Variants in B3GALNT2 observed in about 807,000 individuals in gnomAD.
B3GALNT2 encodes the protein beta-1,3-N-acetylgalactosaminyltransferase 2, also known as UDP-GalNAc:beta-1,3-N-acetylgalactosaminyltransferase 2.
B3GALNT2 carries 53 observed loss-of-function variants against 61.1 expected under a neutral mutation model. The ratio of observed to expected loss-of-function variants is 0.87; its 90% CI spans 0.70 to 1.09. The LOEUF (loss-of-function observed/expected upper bound fraction) is 1.09, where lower values mean the gene tolerates loss of function less well. Among genes scored for constraint, B3GALNT2 ranks in the 50% least tolerant of loss-of-function variants. B3GALNT2 has a pLI of 0.00. For missense variants in B3GALNT2, 544 were observed against 623.0 expected, an observed-to-expected ratio of 0.87 and a Z score of 1.35; for synonymous variants, 223 against 237.4, an observed-to-expected ratio of 0.94 and a Z score of 0.56.
chr1:235,444,121 A>T (rs914470471), downstream of B3GALNT2, among the ~76,000 whole-genome samples: 2 of 152,246 alleles, frequency 1.3e-5, no homozygotes, highest in Non-Finnish European at 2.9e-5. Flanking sequence ...AGTTTCTATC[A>T]GATAAAGCAA....
At chr1:235,489,972 T>A (rs1360977989) in intron 2 of B3GALNT2, among the ~76,000 whole-genome samples, 1 of 152,180 alleles carries the variant, frequency 6.6e-6, no homozygotes, top group Non-Finnish European at 1.5e-5. Context: ...ACTCTTGAAC[T>A]CTTACCTTCC....
At chr1:235,467,840 C>T (rs1347615477) in intron 6 of B3GALNT2, among the ~76,000 whole-genome samples, 2 of 151,394 alleles carry the variant, frequency 1.3e-5, no homozygotes, top group Admixed American at 1.3e-4. Context: ...AGTGCAATGG[C>T]GTGATCTTGG....
chr1:235,484,325 T>C lies in B3GALNT2; in HGVS notation c.552A>G (p.Gln184=), dbSNP rs188263426. The C allele has an allele frequency of 1.9e-6, 3 of 1,613,678 alleles. No individual in the cohort carries two copies. Among genetic ancestry groups the C allele is most frequent in the East Asian group, 2.2e-5 (1 of 44,882 alleles). Residue 184 remains glutamine (Q), a synonymous_variant, in exon 4 of 12, where the codon CAA becomes CAG. Transcript: ENST00000366600. ...NITVKLYQAE[Q]EEALFIARFS... is the part of the protein sequence containing the mutation. ...ACCTGTACAGAGCAGTGCATACCTCTTGTTCTGCCTGATAAAGTTTGACAG... is the reference window on the plus strand; with the variant it reads ...ACCTGTACAGAGCAGTGCATACCTCCTGTTCTGCCTGATAAAGTTTGACAG...
intron 5 of B3GALNT2, among the ~76,000 whole-genome samples, chr1:235,473,390 T>C (rs148207719): frequency 3.0e-4 from 46 of 152,366 alleles, no homozygotes; most frequent in African/African-American, 7.7e-4. Context: ...GCATATATAC[T>C]TAGGATAAGG....
At chr1:235,445,921 G>A (rs1049986064), downstream of B3GALNT2, among the ~76,000 whole-genome samples, 1 of 152,166 alleles carries the variant, frequency 6.6e-6, no homozygotes. Flanking sequence ...GTGTGTCACC[G>A]AGGAGAGTGA....
At chr1:235,489,910 T>G (rs191615691) in intron 2 of B3GALNT2, among the ~76,000 whole-genome samples, 33 of 152,290 alleles carry the variant, frequency 2.2e-4, no homozygotes, top group African/African-American at 7.5e-4. Flanking sequence ...TATCACCACC[T>G]CCACTGAGAT....
At position 235,454,284 on chromosome 1, in the gene B3GALNT2, C is replaced by T. The variant is rs929108412; in HGVS notation, c.1183G>A (p.Gly395Arg). 1.2e-6 allele frequency: 2 copies of T among 1,613,272 alleles called. No individual in the cohort carries two copies. The highest frequency in any genetic ancestry group is 1.1e-5 in the South Asian group (1 of 91,018). The change falls in exon 10 of 12, where the codon GGA (glycine) becomes AGA (arginine). Residue 395 changes from glycine (G) to arginine (R), a missense_variant. Gly to Arg is a moderately radical substitution (Grantham distance 125). Transcript: ENST00000366600. The part of the protein sequence containing the change: ...FRLNWAVDRT[G>R]KWQELEYPSP... ...GGGTACTCCAACTCCTGCCACTTTCCGGTTCGGTCAACTGCCCAATTCAGT... is the reference window on the plus strand; with the variant it reads ...GGGTACTCCAACTCCTGCCACTTTCTGGTTCGGTCAACTGCCCAATTCAGT...
the B3GALNT2 span, chr1:235,441,337 C>T: frequency 1.8e-5 from 4 of 216,318 alleles, no homozygotes; most frequent in Admixed American, 5.3e-5. Context: ...CCTGGCACTG[C>T]ACGGTCTGGT....
intron 1 of B3GALNT2, among the ~76,000 whole-genome samples, chr1:235,497,692 C>G (rs1006487574): frequency 8.5e-5 from 13 of 152,148 alleles, no homozygotes; most frequent in African/African-American, 2.9e-4. Context: ...ATGAAAATTT[C>G]TCAAATCTAT....
chr1:235,498,925 G>A (rs574710157), intron 1 of B3GALNT2, among the ~76,000 whole-genome samples: 4 of 146,754 alleles, frequency 2.7e-5, no homozygotes, highest in African/African-American at 5.0e-5. Context: ...ACAGTCTTCT[G>A]CAGGGCAATT....
Position 235,489,176 on chromosome 1 carries a change from G to C in B3GALNT2, c.353C>G (p.Thr118Arg). ...GGGAAAAGATGACTTACCTGGATTT[G>C]TGATGTTGAGTAGTTTACAGGAATA... ...DPYSCKLLNITNPVLNQEIEA... is the reference protein window; with the variant it reads ...DPYSCKLLNIRNPVLNQEIEA... The change falls in exon 3 of 12, where the codon ACA becomes AGA. Residue 118 changes from threonine (T) to arginine (R), a missense_variant. Transcript: ENST00000366600. The C allele has an allele frequency of 6.2e-7, 1 of 1,613,714 alleles. No homozygotes were observed. The highest frequency in any genetic ancestry group is 8.5e-7 in the Non-Finnish European group (1 of 1,179,864).
chr1:235,467,025 G>A lies in B3GALNT2; in HGVS notation c.763-1311C>T, dbSNP rs944122950. Among the ~76,000 whole-genome samples, 13 of 152,150 alleles carry A rather than the reference G, an allele frequency of 8.5e-5. No homozygotes were observed. The South Asian group carries it at 1.0e-3, about 12-fold the overall frequency. On this transcript the variant is annotated intron_variant, in intron 6 of 11. Transcript: ENST00000366600. ...AGGCCAGTAGAACAAGTAATCTGAG[G>A]TCACTGTAGTAACTTGTCATTTAAT... is the stretch of plus-strand genomic sequence containing the variant.
chr1:235,453,041 T>A (rs1682999834), intron 11 of B3GALNT2, 49 bp downstream of exon 11: 1 of 1,490,198 alleles, frequency 6.7e-7, no homozygotes, highest in Non-Finnish European at 9.3e-7. Flanking sequence ...TATATAGAAA[T>A]CCACCTCCTC....
chr1:235,450,066 T>C lies in B3GALNT2; in HGVS notation c.*140A>G, dbSNP rs903059346. 1.1e-5 allele frequency: 11 copies of C among 1,003,232 alleles called. 1 individual carries two copies. Among genetic ancestry groups the C allele is most frequent in the South Asian group, 5.2e-5 (3 of 57,212 alleles). The allele number at this position is 1,003,232 out of a possible 1,614,324, so 62.1% of individuals were successfully genotyped here. On this transcript the variant is annotated 3_prime_UTR_variant, in exon 12 of 12. Transcript: ENST00000366600. ...TGTGCAAACATTAAGAAACACCGCA[T>C]TGGTTCTGGGTGAAAGTGCCAGTCT...
rs1307483777 is a variant in B3GALNT2, at chr1:235,447,530, A to ATACAG, written c.*2675_*2676insCTGTA. Among the ~76,000 whole-genome samples, 32 of 152,322 alleles carry ATACAG rather than the reference A, an allele frequency of 2.1e-4. No homozygotes were observed. In the South Asian group the frequency reaches 4.8e-3, roughly 23 times the overall value. ...GTTTAATACAGTTACACATGATGTA[A>ATACAG]TTACAGAATGGCGGCGCTGGAAGGG... On this transcript the variant is annotated 3_prime_UTR_variant, in exon 12 of 12. Coordinates refer to ENST00000366600, the MANE Select transcript of B3GALNT2 (RefSeq NM_152490.5).
At chr1:235,455,260 C>A (rs1375865619) in intron 9 of B3GALNT2, among the ~76,000 whole-genome samples, 1 of 152,032 alleles carries the variant, frequency 6.6e-6, no homozygotes, top group Non-Finnish European at 1.5e-5. Flanking sequence ...TAGCTAAGGG[C>A]TACAGGCTCA....
In B3GALNT2 at chr1:235,484,461, A is replaced by G; in HGVS notation, c.416T>C (p.Leu139Pro). 1 of 1,614,212 alleles carries G rather than the reference A, an allele frequency of 6.2e-7. No individual in the cohort carries two copies. The highest frequency in any genetic ancestry group is 8.5e-7 in the Non-Finnish European group (1 of 1,180,030). Residue 139 changes from leucine to proline, a missense_variant, in exon 4 of 12, where the codon CTG becomes CCG. Physicochemically the swap from Leu to Pro is moderately conservative, Grantham distance 98. Transcript: ENST00000366600. Reference protein sequence around the residue: ...FSLSEDTSSGLPEDRVVSVSF... With the variant: ...FSLSEDTSSGPPEDRVVSVSF... The stretch of plus-strand genomic sequence containing the variant: ...CACGCTGACAACTCGATCCTCAGGC[A>G]GCCCCGATGAAGTGTCTTCGGACAG...
downstream of B3GALNT2, among the ~76,000 whole-genome samples, chr1:235,444,221 G>A (rs1191994924): frequency 2.6e-5 from 4 of 152,082 alleles, no homozygotes; most frequent in South Asian, 2.1e-4. Context: ...TTACCACAAC[G>A]TCTCCATTTT....
intron 5 of B3GALNT2, among the ~76,000 whole-genome samples, chr1:235,471,487 G>A (rs1392231309): frequency 6.6e-6 from 1 of 152,076 alleles, no homozygotes; most frequent in Non-Finnish European, 1.5e-5. Flanking sequence ...ATATTTTTAT[G>A]GATTTTGGTA....
Sources: allele counts gnomAD v4.1 joint callset (sites outside exome capture counted in the v4.1 genomes callset), GRCh38; gene constraint gnomAD v4.1.1; transcripts MANE v1.5; gene names NCBI Gene and HGNC (gene_info 2026-07-23, HGNC 2026-07-21).